The following MRPL21 variants were observed in gnomAD, a reference collection of about 807,000 sequenced individuals.
MRPL21 encodes the protein mitochondrial ribosomal protein L21.
In MRPL21, 20 loss-of-function variants were observed where a neutral mutation model predicts 27.3. That is an observed-to-expected ratio of 0.73 (90% CI 0.52 to 1.06). The LOEUF (loss-of-function observed/expected upper bound fraction) is 1.06, where lower values mean the gene tolerates loss of function less well. MRPL21 is among the 50% of genes least tolerant of loss of function. MRPL21 has a pLI of 0.00. For missense variants in MRPL21, 249 were observed against 251.4 expected (o/e 0.99, Z 0.06); for synonymous variants, 98 against 101.5 (o/e 0.97, Z 0.21).
In MRPL21 at chr11:68,896,512, C is replaced by A. The variant is rs1041703239; in HGVS notation, c.396+3G>T. The A allele has an allele frequency of 6.2e-7, 1 of 1,613,922 alleles. No homozygotes were observed. Among genetic ancestry groups the A allele is most frequent in the African/African-American group, 1.3e-5 (1 of 74,936 alleles). ...AATATCCAGAGAAGCTCGGTGGTCT[C>A]ACCTTCTCCAGTCGAATTCTCTCTC... On this transcript the variant is annotated splice_donor_region_variant and intron_variant, in intron 4 of 6. Transcript: ENST00000362034.
chr11:68,896,339 C>G (rs1857785961), intron 4 of MRPL21, 176 bp downstream of exon 4: 1 of 759,460 alleles, frequency 1.3e-6, no homozygotes, highest in South Asian at 1.7e-5. Context: ...CCTGCCCTGC[C>G]CTTGGACCCC....
rs146167101 is a variant in MRPL21 at position 68,903,802 on chromosome 11, T to C, written c.9A>G (p.Ala3=). ...GCCCTAAGGTGACCGTCAGGGAAGATGCTGCCATGGCCGCAGCCTCGGCCG... is the reference window on the plus strand; with the variant it reads ...GCCCTAAGGTGACCGTCAGGGAAGACGCTGCCATGGCCGCAGCCTCGGCCG... MA[A]SSLTVTLGRL... Residue 3 remains alanine, a synonymous_variant, in exon 1 of 7, where the codon GCA becomes GCG. Transcript: ENST00000362034. 5.9e-6 allele frequency: 8 copies of C among 1,352,794 alleles called. No homozygotes were observed. Among genetic ancestry groups the C allele is most frequent in the African/African-American group, 5.5e-5 (3 of 55,018 alleles). 83.8% of individuals were successfully genotyped at this position (1,352,794 alleles called of 1,614,324 possible). A position where few individuals can be genotyped will look rare whatever the true frequency, so the allele number is the denominator to read the frequency against.
At chr11:68,893,305 T>C (rs1161681809) in intron 5 of MRPL21, 98 bp downstream of exon 5, 4 of 1,579,404 alleles carry the variant, frequency 2.5e-6, no homozygotes, top group Admixed American at 3.6e-5. Flanking sequence ...ACAAAGAATA[T>C]GAATGCAACT....
At chr11:68,903,332 T>A (rs1365123801) in intron 1 of MRPL21, among the ~76,000 whole-genome samples, 1 of 152,120 alleles carries the variant, frequency 6.6e-6, no homozygotes, top group Admixed American at 6.5e-5. Flanking sequence ...GGCGAGGATA[T>A]CCATCACCAT....
At chr11:68,901,102 G>C (rs1013211532) in intron 1 of MRPL21, among the ~76,000 whole-genome samples, 1 of 151,820 alleles carries the variant, frequency 6.6e-6, no homozygotes, top group Admixed American at 6.5e-5. Context: ...TCTGGCCTTA[G>C]GGCTGCCCTG....
chr11:68,901,443 CA>C (rs1213020844), intron 1 of MRPL21, among the ~76,000 whole-genome samples: 2 of 152,208 alleles, frequency 1.3e-5, no homozygotes, highest in African/African-American at 4.8e-5. Context: ...ACTGAGAAGA[CA>C]GGGGATCAAA....
chr11:68,892,743 T>C (rs1184664790), intron 6 of MRPL21, 147 bp downstream of exon 6: 2 of 1,538,418 alleles, frequency 1.3e-6, no homozygotes, highest in South Asian at 2.4e-5. Context: ...CCCTCTAGGA[T>C]GAGGGTGGCA....
At position 68,897,202 on chromosome 11, in the gene MRPL21, G is replaced by A. The variant is rs571366239; in HGVS notation, c.233-524C>T. 3.9e-5 allele frequency among the ~76,000 whole-genome samples: 6 copies of A among 152,266 alleles called. No individual in the cohort carries two copies. The South Asian group carries it at 1.0e-3, about 26-fold the overall frequency. The stretch of plus-strand genomic sequence containing the variant: ...ACGCCTGTGCCCAGAGGGGCTCCGT[G>A]CTCAGTTCCTGTTATCTCTGCTCTG... On this transcript the variant is annotated intron_variant, in intron 3 of 6. Coordinates refer to ENST00000362034, the MANE Select transcript of MRPL21 (RefSeq NM_181514.2).
chr11:68,898,697 G>A (rs558811753), intron 2 of MRPL21, among the ~76,000 whole-genome samples: 10 of 152,312 alleles, frequency 6.6e-5, no homozygotes, highest in African/African-American at 2.2e-4. Flanking sequence ...AGTGAGGGTC[G>A]GGTGTTAGGA....
rs1213784423 is a variant in MRPL21, at chr11:68,891,361, G to A, written c.588C>T (p.Asn196=). 2 of 1,614,090 alleles carry A rather than the reference G, an allele frequency of 1.2e-6. No individual in the cohort carries two copies. Among genetic ancestry groups the A allele is most frequent in the Non-Finnish European group, 1.7e-6 (2 of 1,180,012 alleles). ...ACAAACACGGAGCAATCTCAATGCT[G>A]TTTATCCGGAGGACAGTCTGCGGGG... ...VTTPQTVLRI[N]SIEIAPCLL Residue 196 remains asparagine (N), a synonymous_variant, in exon 7 of 7, where the codon AAC becomes AAT. Coordinates refer to ENST00000362034, the MANE Select transcript of MRPL21 (RefSeq NM_181514.2).
intron 4 of MRPL21, 83 bp from the exon 5 acceptor site, chr11:68,893,538 C>T (rs1857705916): frequency 6.6e-7 from 1 of 1,522,624 alleles, no homozygotes; most frequent in South Asian, 1.1e-5. Context: ...GTGATGTCAA[C>T]ACCACACAAA....
intron 3 of MRPL21, among the ~76,000 whole-genome samples, chr11:68,897,167 T>A (rs1447165755): frequency 6.6e-6 from 1 of 152,034 alleles, no homozygotes; most frequent in African/African-American, 2.4e-5. Flanking sequence ...GCAGGACGCG[T>A]TCCCCCTGCA....
intron 1 of MRPL21, among the ~76,000 whole-genome samples, chr11:68,902,577 C>A (rs1474743242): frequency 6.6e-6 from 1 of 152,138 alleles, no homozygotes; most frequent in Admixed American, 6.5e-5. Flanking sequence ...GTCCATGTGC[C>A]CACAGCTTCC....
rs916405432 is a variant in MRPL21, at chr11:68,891,490, G to A, written c.554-95C>T. ...GCACACAGCCCTCCCCAGCCAGCGCGACCCCGGCAACGTCCCCTGCTGCAC... is the reference window on the plus strand; with the variant it reads ...GCACACAGCCCTCCCCAGCCAGCGCAACCCCGGCAACGTCCCCTGCTGCAC... On this transcript the variant is annotated intron_variant, in intron 6 of 6. Coordinates refer to ENST00000362034, the MANE Select transcript of MRPL21 (RefSeq NM_181514.2). 2.3e-5 allele frequency: 29 copies of A among 1,241,438 alleles called. No individual in the cohort carries two copies. In the East Asian group the frequency reaches 3.7e-4, roughly 16 times the overall value. The allele number at this position is 1,241,438 out of a possible 1,614,324, so 76.9% of individuals were successfully genotyped here.
At chr11:68,897,834 G>T in intron 3 of MRPL21, 93 bp downstream of exon 3, 1 of 903,756 alleles carries the variant, frequency 1.1e-6, no homozygotes, top group Non-Finnish European at 1.8e-6. Flanking sequence ...GAAACATGAA[G>T]CCTCGTTCTG....
chr11:68,894,009 G>C (rs1857718361), intron 4 of MRPL21, among the ~76,000 whole-genome samples: 1 of 151,656 alleles, frequency 6.6e-6, no homozygotes, highest in Admixed American at 6.6e-5. Flanking sequence ...CTGGGCGACA[G>C]AGCGAGACTC....
chr11:68,903,443 T>G (rs1858023933), intron 1 of MRPL21, among the ~76,000 whole-genome samples: 1 of 152,204 alleles, frequency 6.6e-6, no homozygotes, highest in Non-Finnish European at 1.5e-5. Context: ...CCCCGCTGTG[T>G]GACCCTGGGC....
intron 2 of MRPL21, 130 bp downstream of exon 2, chr11:68,900,418 T>C (rs1282861300): frequency 3.3e-6 from 3 of 917,692 alleles, no homozygotes; most frequent in Non-Finnish European, 5.1e-6. Flanking sequence ...ATAGTGAAAC[T>C]CTGTCTCTTA....
intron 6 of MRPL21, chr11:68,892,004 G>A: frequency 4.9e-6 from 5 of 1,025,900 alleles, no homozygotes; most frequent in South Asian, 5.2e-5. Flanking sequence ...CTGCTGCTTT[G>A]GGGACAGTGC....
Sources: allele counts gnomAD v4.1 joint callset (sites outside exome capture counted in the v4.1 genomes callset), GRCh38; gene constraint gnomAD v4.1.1; transcripts MANE v1.5; gene names NCBI Gene and HGNC (gene_info 2026-07-23, HGNC 2026-07-21).